The following CDH10 variants were observed in gnomAD, a reference collection of about 807,000 sequenced individuals.
CDH10 encodes the protein cadherin-10.
A neutral mutation model predicts 73.1 loss-of-function variants in CDH10; 30 were observed. That is an observed-to-expected ratio of 0.41 (90% CI 0.31 to 0.56). The LOEUF (loss-of-function observed/expected upper bound fraction) is 0.56. Ranked by LOEUF, CDH10 falls within the 20% of genes least tolerant of loss-of-function variation. The pLI is 0.27. For missense variants in CDH10, 815 were observed against 973.7 expected (o/e 0.84, Z 2.17); for synonymous variants, 345 against 348.2 (o/e 0.99, Z 0.10).
At chr5:24,592,401 T>C (rs1579452344) in intron 2 of CDH10, among the ~76,000 whole-genome samples, 1 of 151,846 alleles carries the variant, frequency 6.6e-6, no homozygotes, top group African/African-American at 2.4e-5. Flanking sequence ...TCCTATGACA[T>C]AGTCTCACAA....
chr5:24,603,518 C>A (rs1358345910), intron 1 of CDH10, among the ~76,000 whole-genome samples: 1 of 152,100 alleles, frequency 6.6e-6, no homozygotes, highest in Non-Finnish European at 1.5e-5. Context: ...GTTGGCTCAA[C>A]ATTCAAATGC....
At position 24,606,030 on chromosome 5, in the gene CDH10, G is replaced by C. The variant is rs571774264; in HGVS notation, c.-123-12417C>G. Among the ~76,000 whole-genome samples the C allele has an allele frequency of 2.6e-5, 4 of 152,226 alleles. No homozygotes were observed. In the South Asian group the frequency reaches 8.3e-4, roughly 32 times the overall value. The stretch of plus-strand genomic sequence containing the variant: ...CATTCTTGCAAAAGCAAAAGTATAG[G>C]GATACAAGAGAGATCGGTGATGGTT... On this transcript the variant is annotated intron_variant, in intron 1 of 11. Coordinates refer to ENST00000264463, the MANE Select transcript of CDH10 (RefSeq NM_006727.5).
chr5:24,573,263 A>G (rs1745464383), intron 2 of CDH10, among the ~76,000 whole-genome samples: 1 of 152,070 alleles, frequency 6.6e-6, no homozygotes, highest in African/African-American at 2.4e-5. Context: ...AAATTGTTGT[A>G]AACATAGTAA....
At chr5:24,605,504 C>T (rs1746729913) in intron 1 of CDH10, among the ~76,000 whole-genome samples, 1 of 152,220 alleles carries the variant, frequency 6.6e-6, no homozygotes, top group African/African-American at 2.4e-5. Context: ...ATGATTCCCC[C>T]AACACCTCCT....
At chr5:24,639,467 A>C (rs1747973558) in intron 1 of CDH10, among the ~76,000 whole-genome samples, 1 of 151,710 alleles carries the variant, frequency 6.6e-6, no homozygotes, top group Non-Finnish European at 1.5e-5. Context: ...GTATTTATAC[A>C]TATTACATTA....
At chr5:24,505,993 A>G (rs1360962664) in intron 7 of CDH10, among the ~76,000 whole-genome samples, 1 of 151,972 alleles carries the variant, frequency 6.6e-6, no homozygotes, top group Non-Finnish European at 1.5e-5. Context: ...ACGTGCCTGT[A>G]GTCCCAGCTA....
At chr5:24,583,163 A>G (rs1745864645) in intron 2 of CDH10, among the ~76,000 whole-genome samples, 1 of 150,998 alleles carries the variant, frequency 6.6e-6, no homozygotes, top group Non-Finnish European at 1.5e-5. Flanking sequence ...AAACATCTTT[A>G]TGTACTGTAA....
chr5:24,551,470 T>C (rs1026566997), intron 2 of CDH10, among the ~76,000 whole-genome samples: 10 of 152,138 alleles, frequency 6.6e-5, no homozygotes, highest in African/African-American at 2.2e-4. Flanking sequence ...AATTTTAATA[T>C]AGTCAAATTT....
At chr5:24,495,202 T>C (rs1449071966) in intron 9 of CDH10, among the ~76,000 whole-genome samples, 1 of 152,216 alleles carries the variant, frequency 6.6e-6, no homozygotes, top group Non-Finnish European at 1.5e-5. Flanking sequence ...CAAACTCATT[T>C]TGGTCCATTT....
At chr5:24,601,703 C>A (rs1746569964) in intron 1 of CDH10, among the ~76,000 whole-genome samples, 1 of 151,694 alleles carries the variant, frequency 6.6e-6, no homozygotes, top group African/African-American at 2.4e-5. Context: ...ATTCAAATGC[C>A]CTTGAGAATA....
At position 24,487,716 on chromosome 5, in the gene CDH10, A is replaced by G. The variant is rs2111599240; in HGVS notation, c.2314T>C (p.Phe772Leu). 1.2e-6 allele frequency: 2 copies of G among 1,611,900 alleles called. No individual in the cohort carries two copies. Among genetic ancestry groups the G allele is most frequent in the Non-Finnish European group, 8.5e-7 (1 of 1,179,164 alleles). Residue 772 changes from phenylalanine (F) to leucine (L), a missense_variant, in exon 12 of 12, where the codon TTT becomes CTT. Phe to Leu is a conservative substitution (Grantham distance 22). Coordinates refer to ENST00000264463, the MANE Select transcript of CDH10 (RefSeq NM_006727.5). The stretch of plus-strand genomic sequence containing the variant: ...CCATACATTTCTGCTAGCTTATTAA[A>G]CCGAGGGCCCCATTCTCGGAGGTAA... ...YDYLREWGPR[F>L]NKLAEMYGGG... is the part of the protein sequence containing the mutation.
At chr5:24,520,397 T>C (rs1361455967) in intron 5 of CDH10, among the ~76,000 whole-genome samples, 4 of 152,204 alleles carry the variant, frequency 2.6e-5, no homozygotes, top group Admixed American at 6.5e-5. Flanking sequence ...AGTGTGATAC[T>C]ATCTTTATAA....
chr5:24,626,606 A>G (rs935418471), intron 1 of CDH10, among the ~76,000 whole-genome samples: 1 of 151,936 alleles, frequency 6.6e-6, no homozygotes, highest in African/African-American at 2.4e-5. Context: ...CTAATAGTAA[A>G]TTTTTATTAA....
intron 1 of CDH10, among the ~76,000 whole-genome samples, chr5:24,621,965 A>T (rs1747332041): frequency 6.6e-6 from 1 of 152,048 alleles, no homozygotes; most frequent in African/African-American, 2.4e-5. Context: ...GAGTCCTGAG[A>T]GAACGAAAGA....
At chr5:24,493,448 A>C (rs1008315676) in intron 9 of CDH10, among the ~76,000 whole-genome samples, 1 of 151,946 alleles carries the variant, frequency 6.6e-6, no homozygotes, top group Non-Finnish European at 1.5e-5. Context: ...TATTTTAAAA[A>C]TTCAGCATAT....
chr5:24,530,062 A>AACCAGT (rs1165227419), intron 5 of CDH10, among the ~76,000 whole-genome samples: 1 of 134,150 alleles, frequency 7.5e-6, no homozygotes, highest in African/African-American at 2.7e-5. Context: ...CCTAGGCACC[A>AACCAGT]ACCAGTTGGC....
chr5:24,585,444 C>T lies in CDH10; in HGVS notation c.231+7816G>A, dbSNP rs192106726. On this transcript the variant is annotated intron_variant, in intron 2 of 11. Coordinates refer to ENST00000264463, the MANE Select transcript of CDH10 (RefSeq NM_006727.5). ...CTTTAAAAAACAACAACAACAACAACGGAGTTTAGCTTTTGTTACCCAGGC... is the reference window on the plus strand; with the variant it reads ...CTTTAAAAAACAACAACAACAACAATGGAGTTTAGCTTTTGTTACCCAGGC... Among the ~76,000 whole-genome samples the T allele has an allele frequency of 6.0e-3, 913 of 152,148 alleles. 9 individuals carry two copies. Among genetic ancestry groups the T allele is most frequent in the South Asian group, 0.01 (49 of 4,818 alleles).
chr5:24,625,592 A>C (rs1433548980), intron 1 of CDH10, among the ~76,000 whole-genome samples: 3 of 147,436 alleles, frequency 2.0e-5, no homozygotes, highest in South Asian at 4.2e-4. Flanking sequence ...CATATATATG[A>C]ATATATATGT....
At chr5:24,636,585 G>A (rs756995741) in intron 1 of CDH10, among the ~76,000 whole-genome samples, 6 of 151,878 alleles carry the variant, frequency 4.0e-5, no homozygotes, top group African/African-American at 9.7e-5. Flanking sequence ...GCTCCTGTTC[G>A]TAAAAATTTT....
Sources: allele counts gnomAD v4.1 joint callset (sites outside exome capture counted in the v4.1 genomes callset), GRCh38; gene constraint gnomAD v4.1.1; transcripts MANE v1.5; gene names NCBI Gene and HGNC (gene_info 2026-07-23, HGNC 2026-07-21).